FGGY: variants seen among roughly 807,000 people sequenced by gnomAD.
The protein encoded by FGGY is FGGY carbohydrate kinase domain-containing protein.
Under a neutral mutation model 71.3 loss-of-function variants are expected in FGGY, and 72 were observed. That is an observed-to-expected ratio of 1.01 (90% CI 0.84 to 1.23). The LOEUF is 1.23. Among genes scored for constraint, FGGY ranks in the 50% most tolerant of loss-of-function variants. The pLI is 0.00. For missense variants in FGGY, 668 were observed against 682.3 expected, an observed-to-expected ratio of 0.98 and a Z score of 0.23; for synonymous variants, 251 against 250.3, an observed-to-expected ratio of 1.00 and a Z score of -0.02.
intron 3 of FGGY, among the ~76,000 whole-genome samples, chr1:59,344,048 C>T (rs1044889045): frequency 6.6e-6 from 1 of 152,094 alleles, no homozygotes; most frequent in Non-Finnish European, 1.5e-5. Context: ...GTTATCAAGG[C>T]GACGCTAATG....
At chr1:59,456,457 T>C (rs1234472978) in intron 5 of FGGY, among the ~76,000 whole-genome samples, 1 of 151,208 alleles carries the variant, frequency 6.6e-6, no homozygotes, top group African/African-American at 2.4e-5. Context: ...TTTTTTTTTT[T>C]TTTTTTTTTG....
At chr1:59,595,213 A>T (rs1205632393) in intron 8 of FGGY, among the ~76,000 whole-genome samples, 1 of 152,220 alleles carries the variant, frequency 6.6e-6, no homozygotes, top group Non-Finnish European at 1.5e-5. Context: ...GTAGATTATC[A>T]TGAAAATTAT....
chr1:59,328,598 T>C (rs79562941), intron 2 of FGGY, among the ~76,000 whole-genome samples: 2,940 of 152,340 alleles, frequency 0.019, 105 homozygotes, highest in African/African-American at 0.068. Context: ...TTACGAACTT[T>C]CTTTTGCATT....
intron 6 of FGGY, among the ~76,000 whole-genome samples, chr1:59,500,120 G>A (rs1353791653): frequency 5.3e-5 from 8 of 152,120 alleles, no homozygotes; most frequent in African/African-American, 1.2e-4. Context: ...GAAGGTGGAA[G>A]CTCATTGATA....
chr1:59,612,401 T>C (rs1001747279), intron 9 of FGGY, among the ~76,000 whole-genome samples: 26 of 152,140 alleles, frequency 1.7e-4, no homozygotes, highest in Non-Finnish European at 3.2e-4. Context: ...AAACTAAGCT[T>C]CATAAGTGAA....
chr1:59,580,883 C>A (rs527720747), intron 8 of FGGY, among the ~76,000 whole-genome samples: 1 of 152,150 alleles, frequency 6.6e-6, no homozygotes, highest in Non-Finnish European at 1.5e-5. Context: ...CATTGAGTGA[C>A]CTTTCCTATG....
chr1:59,460,773 A>G (rs2092128495), intron 6 of FGGY, among the ~76,000 whole-genome samples: 1 of 152,174 alleles, frequency 6.6e-6, no homozygotes, highest in African/African-American at 2.4e-5. Flanking sequence ...CGCTGGTAAT[A>G]CCCAGGCAAA....
At chr1:59,721,640 T>C (rs1026612524) in intron 14 of FGGY, among the ~76,000 whole-genome samples, 37 of 151,900 alleles carry the variant, frequency 2.4e-4, no homozygotes, top group African/African-American at 9.0e-4. Flanking sequence ...ACCCAGCAGA[T>C]ACAGAGAGTT....
At chr1:59,672,523 C>T (rs928884722) in intron 13 of FGGY, among the ~76,000 whole-genome samples, 1 of 152,212 alleles carries the variant, frequency 6.6e-6, no homozygotes, top group Non-Finnish European at 1.5e-5. Flanking sequence ...AGGAAATAAA[C>T]TCAGGTCTGA....
At chr1:59,662,006 A>C (rs1256969368) in intron 12 of FGGY, among the ~76,000 whole-genome samples, 2 of 143,894 alleles carry the variant, frequency 1.4e-5, no homozygotes, top group Non-Finnish European at 3.1e-5. Context: ...GGCATGAGCC[A>C]CCGCACCTGG....
At chr1:59,431,600 T>C (rs951397072) in intron 5 of FGGY, among the ~76,000 whole-genome samples, 1 of 152,220 alleles carries the variant, frequency 6.6e-6, no homozygotes, top group Non-Finnish European at 1.5e-5. Context: ...AGCTTCTGCA[T>C]TGGACTGTGC....
At chr1:59,574,843 A>C (rs930211778) in intron 8 of FGGY, among the ~76,000 whole-genome samples, 5 of 152,162 alleles carry the variant, frequency 3.3e-5, no homozygotes, top group African/African-American at 7.2e-5. Flanking sequence ...CAATGAAAAG[A>C]AGCAAAGTTT....
intron 11 of FGGY, among the ~76,000 whole-genome samples, chr1:59,657,326 C>T (rs1242688805): frequency 2.0e-5 from 3 of 152,152 alleles, no homozygotes; most frequent in Non-Finnish European, 2.9e-5. Flanking sequence ...CATTGATGAC[C>T]AGAGAGAGGA....
chr1:59,454,205 T>TG (rs35759427), intron 5 of FGGY, among the ~76,000 whole-genome samples: 64,897 of 151,802 alleles, frequency 0.43, 14,003 homozygotes, highest in Middle Eastern at 0.52. Context: ...CAGACAAGAA[T>TG]GGGACATCTG....
chr1:59,409,597 TTTATA>T (rs913155109), intron 5 of FGGY, among the ~76,000 whole-genome samples: 13 of 81,834 alleles, frequency 1.6e-4, no homozygotes, highest in African/African-American at 6.4e-4. Context: ...GGAAGAGTTT[TTTATA>T]TATATATATA....
At chr1:59,607,658 C>T in intron 8 of FGGY, 145 bp from the exon 9 acceptor site, 4 of 553,720 alleles carry the variant, frequency 7.2e-6, no homozygotes, top group Admixed American at 3.4e-5. Context: ...GGAGCCATGG[C>T]CTTTCTTGGG....
At chr1:59,370,763 A>G (rs1207659895) in intron 4 of FGGY, among the ~76,000 whole-genome samples, 165 of 151,334 alleles carry the variant, frequency 1.1e-3, no homozygotes, top group Middle Eastern at 3.4e-3. Context: ...AACATTCTTA[A>G]AGAAAAGAAT....
intron 6 of FGGY, among the ~76,000 whole-genome samples, chr1:59,499,813 A>G (rs2094168264): frequency 6.6e-6 from 1 of 152,182 alleles, no homozygotes; most frequent in Admixed American, 6.5e-5. Context: ...GACTCTTGAA[A>G]CATAGCTGCT....
At chr1:59,585,555 A>G (rs1157491786) in intron 8 of FGGY, among the ~76,000 whole-genome samples, 1 of 152,220 alleles carries the variant, frequency 6.6e-6, no homozygotes, top group Non-Finnish European at 1.5e-5. Context: ...TAGACCTGAA[A>G]CTATAAAAAT....
Sources: allele counts gnomAD v4.1 joint callset (sites outside exome capture counted in the v4.1 genomes callset), GRCh38; gene constraint gnomAD v4.1.1; transcripts MANE v1.5; gene names NCBI Gene and HGNC (gene_info 2026-07-23, HGNC 2026-07-21).